ACVR2A: variants seen among roughly 807,000 people sequenced by gnomAD.
ACVR2A encodes the protein activin A receptor type 2A.
In ACVR2A, 7 loss-of-function variants were observed where a neutral mutation model predicts 61.4. That is an observed-to-expected ratio of 0.11 (90% CI 0.06 to 0.21). The LOEUF is 0.21. Among genes scored for constraint, ACVR2A ranks in the 10% least tolerant of loss-of-function variants. The pLI is 1.00. For synonymous variants in ACVR2A, 193 were observed against 208.3 expected (o/e 0.93, Z 0.63); for missense variants, 322 against 621.7 (o/e 0.52, Z 5.13).
chr2:147,875,195 A>G (rs1686122617), intron 1 of ACVR2A, among the ~76,000 whole-genome samples: 1 of 151,968 alleles, frequency 6.6e-6, no homozygotes, highest in Admixed American at 6.6e-5. Flanking sequence ...TAATCATTTA[A>G]GGTAGATTGT....
At chr2:147,844,958 G>C, upstream of ACVR2A, 1 of 403,012 alleles carries the variant, frequency 2.5e-6, no homozygotes, top group Non-Finnish European at 4.1e-6. Context: ...ATTTTTTATC[G>C]TTGTGCTCTT....
At chr2:147,919,183 G>A (rs1017715947) in intron 7 of ACVR2A, among the ~76,000 whole-genome samples, 6 of 152,118 alleles carry the variant, frequency 3.9e-5, no homozygotes. Context: ...AAAGATGGTT[G>A]TTTGAAAAGT....
At chr2:147,901,898 C>G (rs997432) in intron 4 of ACVR2A, among the ~76,000 whole-genome samples, 1,688 of 152,032 alleles carry the variant, frequency 0.011, 38 homozygotes, top group Admixed American at 0.051. Context: ...GAGGTTTATG[C>G]AAACTGTTCT....
At chr2:147,923,470 T>C (rs1687434378) in intron 9 of ACVR2A, among the ~76,000 whole-genome samples, 1 of 152,112 alleles carries the variant, frequency 6.6e-6, no homozygotes, top group African/African-American at 2.4e-5. Flanking sequence ...GAAACCTAGA[T>C]TTGAAACTCT....
In ACVR2A at chr2:147,930,517, A is replaced by ACAT. The variant is rs1160064954; in HGVS notation, c.*3247_*3249dup. The stretch of plus-strand genomic sequence containing the variant: ...ATGATACAAGTAGCATCTTGATTGA[A>ACAT]CATCATTTACCTCAGATATTCAACC... On this transcript the variant is annotated 3_prime_UTR_variant, in exon 11 of 11. Coordinates refer to ENST00000241416, the MANE Select transcript of ACVR2A (RefSeq NM_001616.5). The ACAT allele has an allele frequency of 6.6e-6, 1 of 152,450 alleles. No homozygotes were observed. The highest frequency in any genetic ancestry group is 6.6e-5 in the Admixed American group (1 of 15,202). The allele number at this position is 152,450 out of a possible 1,614,324, so 9.4% of individuals were successfully genotyped here. A position where few individuals can be genotyped will look rare whatever the true frequency, so the allele number is the denominator to read the frequency against.
rs200659573 is a variant in ACVR2A at position 147,845,167 on chromosome 2, A to T, written c.15A>T (p.Ala5=). The change falls in exon 1 of 11, where the codon GCA becomes GCT. Residue 5 remains alanine (A), a synonymous_variant. Coordinates refer to ENST00000241416, the MANE Select transcript of ACVR2A (RefSeq NM_001616.5). ...GCCTCGGGAAAATGGGAGCTGCTGC[A>T]AAGTTGGCGTTTGCCGTCTTTCTTA... MGAA[A]KLAFAVFLIS... is the part of the protein sequence containing the mutation. 64 of 1,613,184 alleles carry T rather than the reference A, an allele frequency of 4.0e-5. No homozygotes were observed. Among genetic ancestry groups the T allele is most frequent in the Non-Finnish European group, 5.3e-5 (63 of 1,179,892 alleles).
At chr2:147,919,011 G>A (rs116817366) in intron 7 of ACVR2A, among the ~76,000 whole-genome samples, 39 of 152,164 alleles carry the variant, frequency 2.6e-4, no homozygotes, top group African/African-American at 9.4e-4. Flanking sequence ...TTAAAGGGAG[G>A]CATCACTTAA....
At chr2:147,899,432 A>G (rs1434038840) in intron 2 of ACVR2A, 26 bp from the exon 3 acceptor site, 3 of 1,521,408 alleles carry the variant, frequency 2.0e-6, no homozygotes, top group Admixed American at 1.8e-5. Context: ...ATTGATTTTA[A>G]TTATTTTTTC....
chr2:147,869,622 G>A (rs1352506412), intron 1 of ACVR2A, among the ~76,000 whole-genome samples: 1 of 152,120 alleles, frequency 6.6e-6, no homozygotes, highest in African/African-American at 2.4e-5. Context: ...CTAGTTGAAG[G>A]GAGAATTCTA....
At chr2:147,926,227 C>A in intron 10 of ACVR2A, 66 bp downstream of exon 10, 2 of 1,547,816 alleles carry the variant, frequency 1.3e-6, no homozygotes, top group South Asian at 1.2e-5. Flanking sequence ...AATTATTTAT[C>A]TCTGCACATT....
intron 4 of ACVR2A, among the ~76,000 whole-genome samples, chr2:147,905,110 C>T (rs1686957847): frequency 6.6e-6 from 1 of 151,962 alleles, no homozygotes; most frequent in African/African-American, 2.4e-5. Flanking sequence ...ATCATTTTCT[C>T]CTCTTTTCCC....
intron 1 of ACVR2A, among the ~76,000 whole-genome samples, chr2:147,881,647 G>A (rs1294277071): frequency 6.8e-6 from 1 of 146,154 alleles, no homozygotes; most frequent in Non-Finnish European, 1.5e-5. Context: ...GTGTGTATGT[G>A]TGTGTGTGTG....
At chr2:147,920,628 G>C (rs1687358245) in intron 8 of ACVR2A, among the ~76,000 whole-genome samples, 1 of 152,030 alleles carries the variant, frequency 6.6e-6, no homozygotes. Context: ...TCATTCTTAG[G>C]GAATTCTTCG....
chr2:147,890,017 A>C (rs952279199), intron 1 of ACVR2A, among the ~76,000 whole-genome samples: 1 of 152,026 alleles, frequency 6.6e-6, no homozygotes, highest in Non-Finnish European at 1.5e-5. Flanking sequence ...TTGATTTTAC[A>C]GATGCGGAAA....
At chr2:147,917,167 T>G (rs1045151573) in intron 5 of ACVR2A, 116 bp from the exon 6 acceptor site, 47 of 1,157,588 alleles carry the variant, frequency 4.1e-5, no homozygotes, top group Non-Finnish European at 5.2e-5. Context: ...AAAAATTTTT[T>G]AAGACTTTTT....
chr2:147,848,955 C>T (rs990432086), intron 1 of ACVR2A, among the ~76,000 whole-genome samples: 1 of 152,024 alleles, frequency 6.6e-6, no homozygotes, highest in Non-Finnish European at 1.5e-5. Flanking sequence ...CTCCAGGTAA[C>T]GTTGTATTGA....
At chr2:147,884,656 A>G (rs1573677253) in intron 1 of ACVR2A, among the ~76,000 whole-genome samples, 1 of 152,178 alleles carries the variant, frequency 6.6e-6, no homozygotes, top group East Asian at 1.9e-4. Flanking sequence ...AATCATTTTT[A>G]TCTTTTAGTT....
At chr2:147,854,656 C>G (rs764814803) in intron 1 of ACVR2A, among the ~76,000 whole-genome samples, 10 of 152,060 alleles carry the variant, frequency 6.6e-5, no homozygotes, top group Non-Finnish European at 1.5e-4. Context: ...CTTAACAAAT[C>G]AATATTGAAC....
intron 8 of ACVR2A, among the ~76,000 whole-genome samples, 193 bp downstream of exon 8, chr2:147,920,537 G>A (rs557383437): frequency 1.4e-4 from 22 of 152,180 alleles, no homozygotes; most frequent in Non-Finnish European, 2.2e-4. Flanking sequence ...CAAGCACTTC[G>A]TAAAGCAACC....
Sources: gnomAD v4.1 joint callset for allele counts (sites outside exome capture counted in the v4.1 genomes callset) on GRCh38, gnomAD v4.1.1 for gene constraint, MANE v1.5 for transcripts, NCBI Gene and HGNC (gene_info 2026-07-23, HGNC 2026-07-21) for gene names.